CRADD: variants seen among roughly 807,000 people sequenced by gnomAD.
CRADD encodes the protein CARD and death domain containing adaptor protein.
In CRADD, 9 loss-of-function variants were observed where a neutral mutation model predicts 15.5. The ratio of observed to expected loss-of-function variants is 0.58; its 90% CI spans 0.35 to 1.01. The LOEUF is 1.01. Among genes scored for constraint, CRADD ranks in the 50% least tolerant of loss-of-function variants. CRADD has a pLI of 0.02. For synonymous variants in CRADD, 118 were observed against 107.6 expected (o/e 1.10, Z -0.60); for missense variants, 227 against 250.3 (o/e 0.91, Z 0.63).
chr12:93,779,251 T>G (rs945932993), intron 2 of CRADD, among the ~76,000 whole-genome samples: 1 of 152,120 alleles, frequency 6.6e-6, no homozygotes, highest in Non-Finnish European at 1.5e-5. Context: ...GAGGAGGCAA[T>G]GAGATGGAAA....
rs546128060 is a variant in CRADD, at chr12:93,786,572, A to G, written c.299-63398A>G. Among the ~76,000 whole-genome samples, 5 of 152,264 alleles carry G rather than the reference A, an allele frequency of 3.3e-5. No homozygotes were observed. In the East Asian group the frequency reaches 9.6e-4, roughly 29 times the overall value. ...GTGTAGTAGATGCCAGCGCTTCTTTATAGATTCTGAAATCCCTTCAATTTA... is the reference window on the plus strand; with the variant it reads ...GTGTAGTAGATGCCAGCGCTTCTTTGTAGATTCTGAAATCCCTTCAATTTA... On this transcript the variant is annotated intron_variant, in intron 2 of 2. Coordinates refer to ENST00000332896, the MANE Select transcript of CRADD (RefSeq NM_003805.5).
intron 2 of CRADD, among the ~76,000 whole-genome samples, chr12:93,847,723 A>G (rs1312304561): frequency 6.6e-6 from 1 of 152,184 alleles, no homozygotes; most frequent in Non-Finnish European, 1.5e-5. Flanking sequence ...ACTATTAGGC[A>G]TCTGGCAAAA....
chr12:93,861,370 A>G (rs914651087), intron 2 of CRADD, among the ~76,000 whole-genome samples: 6 of 152,254 alleles, frequency 3.9e-5, no homozygotes, highest in Non-Finnish European at 8.8e-5. Flanking sequence ...AGGGGCTCCA[A>G]TCAAGATGGC....
chr12:93,686,302 CCCAAAA>C (rs1955436741), intron 2 of CRADD, among the ~76,000 whole-genome samples: 2 of 72,500 alleles, frequency 2.8e-5, no homozygotes, highest in African/African-American at 9.5e-5. Context: ...CTCCATCCCC[CCCAAAA>C]AAAAAAAAAA....
At chr12:93,780,893 C>T (rs1957201330) in intron 2 of CRADD, among the ~76,000 whole-genome samples, 1 of 149,984 alleles carries the variant, frequency 6.7e-6, no homozygotes, top group Non-Finnish European at 1.5e-5. Context: ...ATTACAGGCA[C>T]ATGCCACCAT....
At chr12:93,853,442 T>TG (rs11431223), downstream of CRADD, among the ~76,000 whole-genome samples, 45,936 of 152,026 alleles carry the variant, frequency 0.3, 7,467 homozygotes, top group East Asian at 0.49. Flanking sequence ...CTATAATTTT[T>TG]GTGGCATGTT....
chr12:93,880,705 C>T (rs1947481862), intron 2 of CRADD, among the ~76,000 whole-genome samples: 1 of 152,168 alleles, frequency 6.6e-6, no homozygotes, highest in Non-Finnish European at 1.5e-5. Flanking sequence ...TGCTTCACTC[C>T]CTGATGTCTG....
intron 2 of CRADD, among the ~76,000 whole-genome samples, chr12:93,740,748 G>C (rs908874818): frequency 6.6e-6 from 1 of 152,136 alleles, no homozygotes; most frequent in African/African-American, 2.4e-5. Context: ...ATTTATTACA[G>C]CAGTCTAGTT....
chr12:93,892,387 C>T (rs1257917178), intron 2 of CRADD, among the ~76,000 whole-genome samples: 1 of 152,176 alleles, frequency 6.6e-6, no homozygotes, highest in East Asian at 1.9e-4. Flanking sequence ...ACAGGCAGTG[C>T]CCCCACTGAT....
At chr12:93,743,241 T>C (rs1956704088) in intron 2 of CRADD, among the ~76,000 whole-genome samples, 2 of 152,234 alleles carry the variant, frequency 1.3e-5, no homozygotes, top group Admixed American at 6.5e-5. Context: ...CCAATTTTTC[T>C]ATGGGATTCT....
Position 93,731,794 on chromosome 12 carries a change from T to A in CRADD, c.298+52722T>A, listed in dbSNP as rs982332454. On this transcript the variant is annotated intron_variant, in intron 2 of 2. Coordinates refer to ENST00000332896, the MANE Select transcript of CRADD (RefSeq NM_003805.5). ...TATTTCTGATAGGGAGACAATCATG[T>A]TGGGTGTATTTTAAAATGCTTGATA... Among the ~76,000 whole-genome samples, 6 of 152,128 alleles carry A rather than the reference T, an allele frequency of 3.9e-5. 2 individuals carry two copies. The highest frequency in any genetic ancestry group is 3.3e-4 in the Admixed American group (5 of 15,272).
intron 2 of CRADD, among the ~76,000 whole-genome samples, chr12:93,875,957 A>C (rs927563593): frequency 6.6e-6 from 1 of 152,048 alleles, no homozygotes; most frequent in African/African-American, 2.4e-5. Context: ...TTTCTGATTG[A>C]TGTATTCCCT....
chr12:93,865,118 T>G (rs552632073), intron 2 of CRADD, among the ~76,000 whole-genome samples: 6 of 151,908 alleles, frequency 3.9e-5, no homozygotes, highest in Middle Eastern at 3.4e-3. Context: ...TTCCCAGGAG[T>G]AGTAGTAGAT....
intron 2 of CRADD, among the ~76,000 whole-genome samples, chr12:93,770,649 C>T (rs1957077700): frequency 6.6e-6 from 1 of 152,214 alleles, no homozygotes; most frequent in South Asian, 2.1e-4. Flanking sequence ...ACTCCTTATT[C>T]TCTTCCACTG....
rs113826558 is a variant in CRADD at position 93,712,236 on chromosome 12, T to C, written c.298+33164T>C. Among the ~76,000 whole-genome samples, 1,423 of 152,324 alleles carry C rather than the reference T, an allele frequency of 9.3e-3. 16 individuals carry two copies. Among genetic ancestry groups the C allele is most frequent in the African/African-American group, 0.033 (1,359 of 41,566 alleles). On this transcript the variant is annotated intron_variant, in intron 2 of 2. Transcript: ENST00000332896. Reference sequence around the variant, plus strand: ...AAACTAGTTACTATTTAGAAGAGTATCTGGAGCATGATATTGCTCTCAAAT... The same window carrying C: ...AAACTAGTTACTATTTAGAAGAGTACCTGGAGCATGATATTGCTCTCAAAT...
intron 2 of CRADD, among the ~76,000 whole-genome samples, chr12:93,727,108 T>C: frequency 6.6e-6 from 1 of 152,248 alleles, no homozygotes; most frequent in Non-Finnish European, 1.5e-5. Context: ...GACTCCACAA[T>C]TGAAAAGATC....
intron 2 of CRADD, among the ~76,000 whole-genome samples, chr12:93,816,292 C>G (rs976538590): frequency 2.6e-5 from 4 of 152,082 alleles, no homozygotes; most frequent in African/African-American, 9.7e-5. Flanking sequence ...TCTCAGCTCA[C>G]TGCAGCCTCC....
chr12:93,859,893 A>AT lies in CRADD; in HGVS notation c.299-34142dup, dbSNP rs11295660. On this transcript the variant is annotated intron_variant, in intron 2 of 2. Transcript: ENST00000548483. ...ACAGGCGCACCACCCCGACCAGCTA[A>AT]TTTTTTTTTTTTTTTATATAGAGAT... Among the ~76,000 whole-genome samples the AT allele has an allele frequency of 4.8e-3, 704 of 147,118 alleles. 8 individuals are homozygous for AT. The highest frequency in any genetic ancestry group is 0.017 in the African/African-American group (669 of 39,856).
At chr12:93,706,481 A>G (rs1315793869) in intron 2 of CRADD, among the ~76,000 whole-genome samples, 3 of 152,044 alleles carry the variant, frequency 2.0e-5, no homozygotes, top group African/African-American at 7.2e-5. Context: ...GGTCCACTTA[A>G]TGGTTCTGTA....
Sources: allele counts gnomAD v4.1 joint callset (sites outside exome capture counted in the v4.1 genomes callset), GRCh38; gene constraint gnomAD v4.1.1; transcripts MANE v1.5; gene names NCBI Gene and HGNC (gene_info 2026-07-23, HGNC 2026-07-21).